GEMIN5: variants seen among roughly 807,000 people sequenced by gnomAD.
The protein encoded by GEMIN5 is gem-associated protein 5.
In GEMIN5, 124 loss-of-function variants were observed where a neutral mutation model predicts 176.9. That is an observed-to-expected ratio of 0.70 (90% confidence interval 0.61 to 0.81). The LOEUF (loss-of-function observed/expected upper bound fraction) is 0.81, where lower values mean the gene tolerates loss of function less well. Ranked by LOEUF, GEMIN5 falls within the 40% of genes least tolerant of loss-of-function variation. GEMIN5 has a pLI of 0.00. For missense variants in GEMIN5, 1,843 were observed against 1,814.6 expected (o/e 1.02, Z -0.28); for synonymous variants, 673 against 665.2 (o/e 1.01, Z -0.18).
Position 154,917,999 on chromosome 5 carries a change from T to C in GEMIN5, c.1605A>G (p.Lys535=), listed in dbSNP as rs1258131644. The C allele has an allele frequency of 3.7e-6, 6 of 1,607,908 alleles. No individual in the cohort carries two copies. The highest frequency in any genetic ancestry group is 5.1e-6 in the Non-Finnish European group (6 of 1,174,526). The change falls in exon 12 of 28, where the codon AAA becomes AAG. Residue 535 remains lysine, a synonymous_variant. Coordinates refer to ENST00000285873, the MANE Select transcript of GEMIN5 (RefSeq NM_015465.5). ...AACTTATCTCTGTGTGTACAGGCAA[T>C]TTGTACTAGAAAGCAAAACAAACCA... ...LIRDTNSIKY[K]LPVHTEISWK...
chr5:154,926,479 AG>A (rs1764039658), intron 7 of GEMIN5, among the ~76,000 whole-genome samples: 1 of 152,210 alleles, frequency 6.6e-6, no homozygotes, highest in Non-Finnish European at 1.5e-5. Context: ...TATCATACCC[AG>A]GGAAGGAGGA....
intron 27 of GEMIN5, among the ~76,000 whole-genome samples, chr5:154,889,052 A>G (rs1440609745): frequency 6.6e-6 from 1 of 151,914 alleles, no homozygotes; most frequent in Non-Finnish European, 1.5e-5. Context: ...AATATTTTGT[A>G]TTTTTAGTAG....
In GEMIN5 at chr5:154,902,962, G is replaced by C. The variant is rs1763495720; in HGVS notation, c.2728+118C>G. 5.6e-6 allele frequency: 4 copies of C among 714,356 alleles called. No individual in the cohort carries two copies. The South Asian group carries it at 7.2e-5, about 13-fold the overall frequency. The allele number at this position is 714,356 out of a possible 1,614,324, so 44.3% of individuals were successfully genotyped here. A position where few individuals can be genotyped will look rare whatever the true frequency, so the allele number is the denominator to read the frequency against. Reference sequence around the variant, plus strand: ...AATCAGGGAGCTCAAAACCTAGTTAGCTGACACGTAAAACTAACCATTATA... The same window carrying C: ...AATCAGGGAGCTCAAAACCTAGTTACCTGACACGTAAAACTAACCATTATA... On this transcript the variant is annotated intron_variant, in intron 19 of 27. Coordinates refer to ENST00000285873, the MANE Select transcript of GEMIN5 (RefSeq NM_015465.5).
chr5:154,923,851 A>G (rs1438997403), intron 9 of GEMIN5, among the ~76,000 whole-genome samples: 1 of 152,210 alleles, frequency 6.6e-6, no homozygotes, highest in Non-Finnish European at 1.5e-5. Flanking sequence ...AAATAGCCAC[A>G]TGTGGCTACC....
chr5:154,937,873 C>A, intron 1 of GEMIN5, 95 bp downstream of exon 1: 1 of 1,140,264 alleles, frequency 8.8e-7, no homozygotes, highest in African/African-American at 1.6e-5. Flanking sequence ...GCCTCAGTTT[C>A]CCTAGCTGTA....
intron 7 of GEMIN5, among the ~76,000 whole-genome samples, chr5:154,926,855 C>T (rs996863769): frequency 6.6e-6 from 1 of 152,154 alleles, no homozygotes; most frequent in Non-Finnish European, 1.5e-5. Flanking sequence ...GCCATCCTGG[C>T]CAACACAGTG....
intron 11 of GEMIN5, among the ~76,000 whole-genome samples, chr5:154,919,759 C>CT (rs1763884905): frequency 6.6e-6 from 1 of 152,068 alleles, no homozygotes; most frequent in African/African-American, 2.4e-5. Flanking sequence ...TACTCACTGT[C>CT]TGAGAAGTAC....
In GEMIN5 at chr5:154,915,931, C is replaced by G. The variant is rs1763800580; in HGVS notation, c.1855+1067G>C. On this transcript the variant is annotated intron_variant, in intron 13 of 27. Transcript: ENST00000285873. Reference sequence around the variant, plus strand: ...TGTTCACGAAGATCTATGTATAAGGCAGTTTATTGTAATACTACTTAAATT... The same window carrying G: ...TGTTCACGAAGATCTATGTATAAGGGAGTTTATTGTAATACTACTTAAATT... 2.0e-5 allele frequency among the ~76,000 whole-genome samples: 3 copies of G among 151,936 alleles called. No homozygotes were observed. The South Asian group carries it at 6.2e-4, about 32-fold the overall frequency.
At chr5:154,908,472 C>T (rs531259942) in intron 15 of GEMIN5, among the ~76,000 whole-genome samples, 9 of 152,218 alleles carry the variant, frequency 5.9e-5, no homozygotes, top group African/African-American at 1.4e-4. Flanking sequence ...TGAGCCACCA[C>T]GCCCGGCCTA....
chr5:154,931,948 G>C lies in GEMIN5; in HGVS notation c.661+151C>G, dbSNP rs193072914. 2.2e-4 allele frequency: 144 copies of C among 645,676 alleles called. No individual in the cohort carries two copies. The Admixed American group carries it at 3.4e-3, about 15-fold the overall frequency. The allele number at this position is 645,676 out of a possible 1,614,324, so 40.0% of individuals were successfully genotyped here. On this transcript the variant is annotated intron_variant, in intron 4 of 27. Transcript: ENST00000285873. ...GAATCGCTTGAACCCGGGAGGCGGA[G>C]GTTGCGGTGAGCCGAGATCACGCTC... is the stretch of plus-strand genomic sequence containing the variant.
intron 8 of GEMIN5, among the ~76,000 whole-genome samples, chr5:154,925,175 C>T (rs998647424): frequency 2.0e-5 from 3 of 151,818 alleles, no homozygotes; most frequent in East Asian, 3.9e-4. Context: ...ACTGTCGAGT[C>T]GGAATAAGAG....
chr5:154,932,369 G>A, intron 3 of GEMIN5, 119 bp from the exon 4 acceptor site: 1 of 692,354 alleles, frequency 1.4e-6, no homozygotes, highest in Non-Finnish European at 2.5e-6. Flanking sequence ...CATTTGGGGT[G>A]GCGGAGGAGG....
Position 154,896,178 on chromosome 5 carries a change from C to G in GEMIN5, c.3511G>C (p.Asp1171His), listed in dbSNP as rs755958821. The change falls in exon 24 of 28, where the codon GAC becomes CAC. Residue 1171 changes from aspartate (D) to histidine (H), a missense_variant. Coordinates refer to ENST00000285873, the MANE Select transcript of GEMIN5 (RefSeq NM_015465.5). ...TAVWKSIFSL[D>H]TPEQYQEAFQ... ...GCTTCCTGATACTGCTCAGGGGTGT[C>G]AAGGCTGAAGATGCTCTTCCACACT... The G allele has an allele frequency of 1.9e-6, 3 of 1,613,914 alleles. No individual in the cohort carries two copies. The highest frequency in any genetic ancestry group is 1.3e-5 in the African/African-American group (1 of 74,918).
chr5:154,932,140 G>C lies in GEMIN5; in HGVS notation c.620C>G (p.Pro207Arg). 6.2e-7 allele frequency: 1 copy of C among 1,613,692 alleles called. No homozygotes were observed. Among genetic ancestry groups the C allele is most frequent in the South Asian group, 1.1e-5 (1 of 91,070 alleles). ...EIHSIAWCPL[P>R]GEDCLSINQE... Reference sequence around the variant, plus strand: ...GTTTATAGATAAACAATCTTCACCAGGCAGGGGACACCAGGCTATGGAGTG... The same window carrying C: ...GTTTATAGATAAACAATCTTCACCACGCAGGGGACACCAGGCTATGGAGTG... Residue 207 changes from proline (P) to arginine (R), a missense_variant, in exon 4 of 28, where the codon CCT becomes CGT. Physicochemically the swap from Pro to Arg is moderately radical, Grantham distance 103. Transcript: ENST00000285873.
At position 154,917,994 on chromosome 5, in the gene GEMIN5, G is replaced by A. The variant is rs758319695; in HGVS notation, c.1610C>T (p.Pro537Leu). ...RDTNSIKYKLPVHTEISWKAD... is the reference protein window; with the variant it reads ...RDTNSIKYKLLVHTEISWKAD... The stretch of plus-strand genomic sequence containing the variant: ...TTTCCAACTTATCTCTGTGTGTACA[G>A]GCAATTTGTACTAGAAAGCAAAACA... The change falls in exon 12 of 28, where the codon CCT becomes CTT. Residue 537 changes from proline (P) to leucine (L), a missense_variant. By Grantham distance (98) the Pro-to-Leu change is moderately conservative. Transcript: ENST00000285873. The A allele has an allele frequency of 6.2e-7, 1 of 1,609,302 alleles. No individual in the cohort carries two copies. The highest frequency in any genetic ancestry group is 2.2e-5 in the East Asian group (1 of 44,840).
intron 16 of GEMIN5, 35 bp downstream of exon 16, chr5:154,907,556 G>T: frequency 1.3e-6 from 2 of 1,513,552 alleles, no homozygotes; most frequent in East Asian, 2.3e-5. Context: ...ACACGACCAT[G>T]AAATCCTAGT....
In GEMIN5 at chr5:154,937,985, C is replaced by T; in HGVS notation, c.149G>A (p.Gly50Glu). The T allele has an allele frequency of 6.4e-7, 1 of 1,574,058 alleles. No individual in the cohort carries two copies. Among genetic ancestry groups the T allele is most frequent in the Non-Finnish European group, 8.6e-7 (1 of 1,162,532 alleles). ...RVGPGAGESP[G>E]TPPFRVIGEL... Reference sequence around the variant, plus strand: ...TGAGTTACCTCGAAACGGGGGTGTCCCTGGACTCTCGCCTGCGCCCGGGCC... The same window carrying T: ...TGAGTTACCTCGAAACGGGGGTGTCTCTGGACTCTCGCCTGCGCCCGGGCC... Residue 50 changes from glycine to glutamate, a missense_variant, in exon 1 of 28, where the codon GGG becomes GAG. Coordinates refer to ENST00000285873, the MANE Select transcript of GEMIN5 (RefSeq NM_015465.5).
intron 14 of GEMIN5, 92 bp from the exon 15 acceptor site, chr5:154,911,990 A>C: frequency 8.2e-7 from 1 of 1,213,684 alleles, no homozygotes; most frequent in Non-Finnish European, 1.1e-6. Context: ...AAAACAAAAA[A>C]CAAAAACAAT....
chr5:154,897,640 C>A (rs1763376629), intron 23 of GEMIN5, among the ~76,000 whole-genome samples: 1 of 152,200 alleles, frequency 6.6e-6, no homozygotes, highest in Admixed American at 6.5e-5. Flanking sequence ...ATGTGTGCCA[C>A]CATGCCTGGC....
Sources: gnomAD v4.1 joint callset for allele counts (sites outside exome capture counted in the v4.1 genomes callset) on GRCh38, gnomAD v4.1.1 for gene constraint, MANE v1.5 for transcripts, NCBI Gene and HGNC (gene_info 2026-07-23, HGNC 2026-07-21) for gene names.